The following ZNF480 variants were observed in gnomAD, a reference collection of about 807,000 sequenced individuals.
ZNF480 encodes zinc finger protein 480.
A neutral mutation model predicts 14.4 loss-of-function variants in ZNF480; 15 were observed. The observed-to-expected ratio is 1.04, with a 90% CI of 0.70 to 1.60. ZNF480 has a LOEUF of 1.60. Ranked by LOEUF, ZNF480 falls within the 40% of genes most tolerant of loss-of-function variation. The pLI is 0.00. For missense variants in ZNF480, 593 were observed against 629.7 expected, an observed-to-expected ratio of 0.94 and a Z score of 0.62; for synonymous variants, 218 against 215.5, an observed-to-expected ratio of 1.01 and a Z score of -0.10.
rs962722932 is a variant in ZNF480, at chr19:52,306,883, T to C, written c.72+6399T>C. 2.0e-5 allele frequency among the ~76,000 whole-genome samples: 3 copies of C among 152,136 alleles called. No homozygotes were observed. In the East Asian group the frequency reaches 5.8e-4, roughly 29 times the overall value. ...ACTAGGGCAACTACTTTTTGTCCAGTGTCCTCTGGAAAAGAAAGACCTGGA... is the reference window on the plus strand; with the variant it reads ...ACTAGGGCAACTACTTTTTGTCCAGCGTCCTCTGGAAAAGAAAGACCTGGA... On this transcript the variant is annotated intron_variant, in intron 2 of 4. Coordinates refer to ENST00000595962, the MANE Select transcript of ZNF480 (RefSeq NM_144684.4).
chr19:52,317,128 C>T (rs945169557), intron 4 of ZNF480, among the ~76,000 whole-genome samples: 2 of 152,058 alleles, frequency 1.3e-5, no homozygotes, highest in Admixed American at 1.3e-4. Context: ...AGCGATTCTC[C>T]TGCCTCAGCC....
intron 2 of ZNF480, among the ~76,000 whole-genome samples, chr19:52,306,322 G>A (rs1027887287): frequency 6.6e-6 from 1 of 152,142 alleles, no homozygotes; most frequent in Non-Finnish European, 1.5e-5. Context: ...CACTTGAAGG[G>A]TATTGTTCCC....
intron 4 of ZNF480, 53 bp from the exon 5 acceptor site, chr19:52,321,526 T>C (rs1600222313): frequency 6.8e-7 from 1 of 1,472,466 alleles, no homozygotes; most frequent in East Asian, 2.3e-5. Context: ...CATCAGACTC[T>C]AAACATGCCA....
intron 4 of ZNF480, among the ~76,000 whole-genome samples, chr19:52,318,005 A>G (rs1443256151): frequency 6.6e-6 from 1 of 152,036 alleles, no homozygotes; most frequent in Non-Finnish European, 1.5e-5. Flanking sequence ...ATGGTCGTAT[A>G]TCACCTTTGG....
chr19:52,312,569 T>C (rs1983341129), intron 2 of ZNF480, among the ~76,000 whole-genome samples: 1 of 152,200 alleles, frequency 6.6e-6, no homozygotes, highest in East Asian at 1.9e-4. Flanking sequence ...TGTTTGATTC[T>C]TTTGGTTTGG....
intron 4 of ZNF480, among the ~76,000 whole-genome samples, chr19:52,316,845 C>T (rs1983581218): frequency 6.6e-6 from 1 of 152,104 alleles, no homozygotes; most frequent in South Asian, 2.1e-4. Flanking sequence ...TAGTGTCTTT[C>T]AGGTTCATCT....
At position 52,322,971 on chromosome 19, in the gene ZNF480, G is replaced by T. The variant is rs532235559; in HGVS notation, c.*113G>T. On this transcript the variant is annotated 3_prime_UTR_variant, in exon 5 of 5. Transcript: ENST00000595962. ...TTGCAAATGTAAAGAATATGACAAG[G>T]TCTTCAAACACAAGTTTTTCTAATA... 8 of 854,596 alleles carry T rather than the reference G, an allele frequency of 9.4e-6. No homozygotes were observed. In the African/African-American group the frequency reaches 1.2e-4, roughly 13 times the overall value. The allele number at this position is 854,596 out of a possible 1,614,324, so 52.9% of individuals were successfully genotyped here. A position where few individuals can be genotyped will look rare whatever the true frequency, so the allele number is the denominator to read the frequency against.
chr19:52,321,551 G>T, intron 4 of ZNF480, 28 bp from the exon 5 acceptor site: 1 of 1,536,858 alleles, frequency 6.5e-7, no homozygotes. Flanking sequence ...TATGGGGTCT[G>T]AATTTTACTT....
At chr19:52,305,708 G>A (rs1346881215) in intron 2 of ZNF480, among the ~76,000 whole-genome samples, 1 of 152,142 alleles carries the variant, frequency 6.6e-6, no homozygotes, top group Non-Finnish European at 1.5e-5. Context: ...CACAGGTTTT[G>A]TGCAGCATAA....
intron 2 of ZNF480, among the ~76,000 whole-genome samples, chr19:52,310,408 G>A (rs1983214268): frequency 6.6e-6 from 1 of 151,988 alleles, no homozygotes; most frequent in Non-Finnish European, 1.5e-5. Context: ...CTTTGTCTTG[G>A]TTAAAATAAT....
At position 52,311,514 on chromosome 19, in the gene ZNF480, T is replaced by C. The variant is rs1253351723; in HGVS notation, c.73-2639T>C. 2.0e-5 allele frequency among the ~76,000 whole-genome samples: 3 copies of C among 152,222 alleles called. No homozygotes were observed. In the South Asian group the frequency reaches 6.2e-4, roughly 32 times the overall value. The stretch of plus-strand genomic sequence containing the variant: ...TTTGAATCTGGGTATTTAATAGAGA[T>C]TGGAGTTCAACTTTCTGTGTTTTTT... On this transcript the variant is annotated intron_variant, in intron 2 of 4. Coordinates refer to ENST00000595962, the MANE Select transcript of ZNF480 (RefSeq NM_144684.4).
intron 4 of ZNF480, among the ~76,000 whole-genome samples, chr19:52,318,641 G>A (rs1983667189): frequency 6.6e-6 from 1 of 152,006 alleles, no homozygotes; most frequent in Non-Finnish European, 1.5e-5. Flanking sequence ...TTTTTTCTAG[G>A]AGTTTTATCG....
At chr19:52,312,644 C>T (rs1414431304) in intron 2 of ZNF480, among the ~76,000 whole-genome samples, 10 of 151,972 alleles carry the variant, frequency 6.6e-5, no homozygotes, top group African/African-American at 2.2e-4. Context: ...ACACCTGGGG[C>T]GAGTTTCTTA....
At chr19:52,311,753 A>C (rs976873230) in intron 2 of ZNF480, among the ~76,000 whole-genome samples, 2 of 152,098 alleles carry the variant, frequency 1.3e-5, no homozygotes, top group Non-Finnish European at 2.9e-5. Flanking sequence ...GCCATAGTAC[A>C]CTGTGAATAA....
intron 2 of ZNF480, 175 bp from the exon 3 acceptor site, chr19:52,313,978 C>CA (rs1440926562): frequency 1.7e-4 from 108 of 644,356 alleles, no homozygotes; most frequent in Middle Eastern, 6.5e-4. Context: ...GACTCTGTCT[C>CA]AAAAAAAAGA....
chr19:52,311,779 C>A (rs1195796110), intron 2 of ZNF480, among the ~76,000 whole-genome samples: 1 of 151,798 alleles, frequency 6.6e-6, no homozygotes, highest in Non-Finnish European at 1.5e-5. Context: ...CTCCATGCAA[C>A]CTGGACAACA....
intron 1 of ZNF480, among the ~76,000 whole-genome samples, chr19:52,299,277 A>G (rs1982568499): frequency 6.6e-6 from 1 of 152,214 alleles, no homozygotes; most frequent in Non-Finnish European, 1.5e-5. Flanking sequence ...AGAATGCTTC[A>G]TATCTGATGA....
chr19:52,308,786 C>G (rs1199277577), intron 2 of ZNF480: 1 of 135,832 alleles, frequency 7.4e-6, no homozygotes, highest in Admixed American at 7.6e-5. Context: ...TAATTTTGCT[C>G]AGAGATTGGA....
At chr19:52,316,178 TTCTC>T (rs200101900) in intron 4 of ZNF480, among the ~76,000 whole-genome samples, 3,682 of 146,522 alleles carry the variant, frequency 0.025, 55 homozygotes, top group Middle Eastern at 0.066. Context: ...AGATCTTTCT[TTCTC>T]TCTCTCTCTT....
Sources: allele counts gnomAD v4.1 joint callset (sites outside exome capture counted in the v4.1 genomes callset), GRCh38; gene constraint gnomAD v4.1.1; transcripts MANE v1.5; gene names NCBI Gene and HGNC (gene_info 2026-07-23, HGNC 2026-07-21).